JAM3: variants seen among roughly 807,000 people sequenced by gnomAD.
JAM3 encodes the protein junctional adhesion molecule C.
A neutral mutation model predicts 39.4 loss-of-function variants in JAM3; 31 were observed. That is an observed-to-expected ratio of 0.79 (90% CI 0.59 to 1.06). JAM3 has a LOEUF of 1.06. JAM3 is among the 50% of genes least tolerant of loss of function. The pLI is 0.00. For synonymous variants in JAM3, 182 were observed against 148.7 expected (o/e 1.22, Z -1.63); for missense variants, 455 against 391.4 (o/e 1.16, Z -1.37).
At chr11:134,127,425 G>A (rs1037528166) in intron 1 of JAM3, among the ~76,000 whole-genome samples, 3 of 152,202 alleles carry the variant, frequency 2.0e-5, no homozygotes, top group African/African-American at 4.8e-5. Context: ...TTGGCCGGGC[G>A]TGGTGGCTCA....
At chr11:134,083,478 T>C (rs1317021334) in intron 1 of JAM3, among the ~76,000 whole-genome samples, 1 of 152,198 alleles carries the variant, frequency 6.6e-6, no homozygotes, top group African/African-American at 2.4e-5. Flanking sequence ...TTCCTTCAAG[T>C]GAGTTTGGAG....
At chr11:134,141,501 C>T (rs1305303508) in intron 3 of JAM3, among the ~76,000 whole-genome samples, 2 of 151,922 alleles carry the variant, frequency 1.3e-5, no homozygotes, top group Non-Finnish European at 2.9e-5. Context: ...GCAGACTGCA[C>T]TGAATGCCAG....
At chr11:134,102,253 G>C (rs1311950538) in intron 1 of JAM3, among the ~76,000 whole-genome samples, 3 of 152,146 alleles carry the variant, frequency 2.0e-5, no homozygotes, top group Admixed American at 6.5e-5. Context: ...CAGGCAAACA[G>C]GGTCTGGAGT....
chr11:134,106,085 C>G (rs545679648), intron 1 of JAM3, among the ~76,000 whole-genome samples: 1 of 152,256 alleles, frequency 6.6e-6, no homozygotes, highest in Non-Finnish European at 1.5e-5. Flanking sequence ...ATCATGCTAC[C>G]TGACTTCAAA....
rs767306661 is a variant in JAM3 at position 134,069,087 on chromosome 11, G to T, written c.4G>T (p.Ala2Ser). 44 of 1,611,084 alleles carry T rather than the reference G, an allele frequency of 2.7e-5. No homozygotes were observed. Among genetic ancestry groups the T allele is most frequent in the South Asian group, 8.8e-5 (8 of 90,850 alleles). Residue 2 changes from alanine (A) to serine (S), a missense_variant, in exon 1 of 9, where the codon GCG (alanine) becomes TCG (serine). By Grantham distance (99) the Ala-to-Ser change is moderately conservative. Coordinates refer to ENST00000299106, the MANE Select transcript of JAM3 (RefSeq NM_032801.5). ...TGGCCCCTCAGCAACCCTCGACATGGCGCTGAGGCGGCCACCGCGACTCCG... is the reference window on the plus strand; with the variant it reads ...TGGCCCCTCAGCAACCCTCGACATGTCGCTGAGGCGGCCACCGCGACTCCG... M[A>S]LRRPPRLRLC...
At chr11:134,114,390 C>T (rs1942381033) in intron 1 of JAM3, among the ~76,000 whole-genome samples, 1 of 152,266 alleles carries the variant, frequency 6.6e-6, no homozygotes, top group South Asian at 2.1e-4. Flanking sequence ...CCAGTTTCAG[C>T]TTTCTACATA....
intron 1 of JAM3, among the ~76,000 whole-genome samples, chr11:134,117,819 G>C (rs1480159432): frequency 6.6e-6 from 1 of 152,146 alleles, no homozygotes; most frequent in African/African-American, 2.4e-5. Context: ...TTCTGAAGAA[G>C]GGTGATCACT....
chr11:134,115,437 C>G (rs1435372332), intron 1 of JAM3, among the ~76,000 whole-genome samples: 2 of 150,660 alleles, frequency 1.3e-5, no homozygotes, highest in Non-Finnish European at 3.0e-5. Flanking sequence ...TTCTTTTGTT[C>G]TTTTTATGCC....
intron 1 of JAM3, among the ~76,000 whole-genome samples, chr11:134,117,309 G>A (rs622111): frequency 0.21 from 31,502 of 152,076 alleles, 3,493 homozygotes; most frequent in East Asian, 0.4. Flanking sequence ...CCCGGGAGGC[G>A]GAGGTTGCAC....
At chr11:134,107,937 G>A (rs1028349118) in intron 1 of JAM3, among the ~76,000 whole-genome samples, 3 of 151,876 alleles carry the variant, frequency 2.0e-5, no homozygotes, top group Admixed American at 6.6e-5. Context: ...GCAGAATAAA[G>A]AAGATAATAA....
intron 1 of JAM3, among the ~76,000 whole-genome samples, chr11:134,085,204 A>G (rs1011080551): frequency 6.6e-6 from 1 of 152,210 alleles, no homozygotes; most frequent in African/African-American, 2.4e-5. Context: ...TAGTCAAACT[A>G]CAAGAAAACT....
Position 134,149,725 on chromosome 11 carries a change from G to C in JAM3, c.*544G>C. 1 of 448,032 alleles carries C rather than the reference G, an allele frequency of 2.2e-6. No individual in the cohort carries two copies. 27.8% of individuals were successfully genotyped at this position (448,032 alleles called of 1,614,324 possible). A position where few individuals can be genotyped will look rare whatever the true frequency, so the allele number is the denominator to read the frequency against. ...GATCGGTGTTGCAGTGTCCATTGTG[G>C]AGAAGCTTTTTGGATCAGCATTTTG... On this transcript the variant is annotated 3_prime_UTR_variant, in exon 9 of 9. Transcript: ENST00000299106.
At chr11:134,139,752 A>T in intron 1 of JAM3, 99 bp from the exon 2 acceptor site, 1 of 898,222 alleles carries the variant, frequency 1.1e-6, no homozygotes, top group Non-Finnish European at 1.9e-6. Context: ...TGTGGTTAGT[A>T]ACCATAGCCT....
chr11:134,127,900 T>C (rs1479760799), intron 1 of JAM3, among the ~76,000 whole-genome samples: 1 of 152,138 alleles, frequency 6.6e-6, no homozygotes, highest in Non-Finnish European at 1.5e-5. Flanking sequence ...ACCTGTGCAC[T>C]CTCTGGGCTC....
chr11:134,104,358 G>T (rs1300558886), intron 1 of JAM3, among the ~76,000 whole-genome samples: 3 of 152,196 alleles, frequency 2.0e-5, no homozygotes, highest in Non-Finnish European at 4.4e-5. Flanking sequence ...ATTTAAAGTA[G>T]TGTGTAGAGG....
chr11:134,134,416 A>C lies in JAM3; in HGVS notation c.77-5435A>C, dbSNP rs566634840. Among the ~76,000 whole-genome samples the C allele has an allele frequency of 7.3e-3, 1,100 of 151,084 alleles. 21 individuals are homozygous for C. The highest frequency in any genetic ancestry group is 0.025 in the African/African-American group (1,019 of 40,966). ...TAAATGCCAAAAAAAAAAAAAAAAA[A>C]AAAAAACATCTAGGCATATCATAAT... On this transcript the variant is annotated intron_variant, in intron 1 of 8. Transcript: ENST00000299106.
At chr11:134,148,271 C>T in intron 6 of JAM3, 2 of 477,938 alleles carry the variant, frequency 4.2e-6, no homozygotes, top group South Asian at 2.3e-5. Flanking sequence ...GATTTTTAAG[C>T]CTACAGTGCC....
intron 1 of JAM3, among the ~76,000 whole-genome samples, chr11:134,134,850 G>A (rs1942834012): frequency 6.6e-6 from 1 of 152,180 alleles, no homozygotes; most frequent in Admixed American, 6.5e-5. Context: ...GTTCAATTGT[G>A]TTTTTTTGGT....
chr11:134,088,442 G>C lies in JAM3; in HGVS notation c.76+19283G>C, dbSNP rs142612788. 8.1e-3 allele frequency among the ~76,000 whole-genome samples: 1,220 copies of C among 150,678 alleles called. 11 individuals are homozygous for C. Among genetic ancestry groups the C allele is most frequent in the African/African-American group, 0.028 (1,145 of 41,050 alleles). On this transcript the variant is annotated intron_variant, in intron 1 of 8. Coordinates refer to ENST00000299106, the MANE Select transcript of JAM3 (RefSeq NM_032801.5). ...TTTAAATTTTAGGTTTGGCTTCATT[G>C]TATCTGTATCAATCCCAAAAGGTAG...
Sources: allele counts gnomAD v4.1 joint callset (sites outside exome capture counted in the v4.1 genomes callset), GRCh38; gene constraint gnomAD v4.1.1; transcripts MANE v1.5; gene names NCBI Gene and HGNC (gene_info 2026-07-23, HGNC 2026-07-21).